The following PCDH7 variants were observed in gnomAD, a reference collection of about 807,000 sequenced individuals.
PCDH7 encodes the protein protocadherin 7.
A neutral mutation model predicts 58.9 loss-of-function variants in PCDH7; 17 were observed. The ratio of observed to expected loss-of-function variants is 0.29; its 90% CI spans 0.20 to 0.43. The LOEUF (loss-of-function observed/expected upper bound fraction) is 0.43, where lower values mean the gene tolerates loss of function less well. PCDH7 is among the 20% of genes least tolerant of loss of function. PCDH7 has a pLI of 1.00. For missense variants in PCDH7, 1,274 were observed against 1,441.0 expected, an observed-to-expected ratio of 0.88 and a Z score of 1.88; for synonymous variants, 664 against 616.4, an observed-to-expected ratio of 1.08 and a Z score of -1.14.
At chr4:30,734,720 T>C (rs1233053784), downstream of PCDH7, among the ~76,000 whole-genome samples, 1 of 152,174 alleles carries the variant, frequency 6.6e-6, no homozygotes, top group Non-Finnish European at 1.5e-5. Flanking sequence ...CAGTGCCCAG[T>C]AGAGTGCTGG....
intron 1 of PCDH7, among the ~76,000 whole-genome samples, chr4:30,746,125 G>A (rs1292664569): frequency 2.0e-5 from 3 of 152,088 alleles, no homozygotes; most frequent in African/African-American, 7.2e-5. Context: ...CACTGTGCCT[G>A]GCTAAAGAGA....
intron 1 of PCDH7, among the ~76,000 whole-genome samples, chr4:30,848,424 T>C (rs1732275502): frequency 6.6e-6 from 1 of 152,096 alleles, no homozygotes; most frequent in African/African-American, 2.4e-5. Flanking sequence ...GCATACTAAA[T>C]GGTGATTTTG....
intron 1 of PCDH7, among the ~76,000 whole-genome samples, chr4:30,796,163 G>A (rs1033381687): frequency 6.6e-6 from 1 of 152,164 alleles, no homozygotes; most frequent in African/African-American, 2.4e-5. Flanking sequence ...TTGTTTAACT[G>A]TGAAGTTTAG....
chr4:30,876,374 T>TCA (rs754117170), intron 1 of PCDH7, among the ~76,000 whole-genome samples: 8 of 152,254 alleles, frequency 5.3e-5, no homozygotes, highest in Non-Finnish European at 7.4e-5. Flanking sequence ...GATATTACAT[T>TCA]TTTATACTTA....
At chr4:31,096,709 G>T (rs527711674) in intron 3 of PCDH7, among the ~76,000 whole-genome samples, 1 of 152,042 alleles carries the variant, frequency 6.6e-6, no homozygotes, top group Non-Finnish European at 1.5e-5. Flanking sequence ...AAAATACAAC[G>T]TAACTGGGAA....
chr4:31,068,805 T>C (rs1758306406), intron 3 of PCDH7, among the ~76,000 whole-genome samples: 1 of 152,028 alleles, frequency 6.6e-6, no homozygotes, highest in South Asian at 2.1e-4. Context: ...TTCTGAATTT[T>C]TGTTCCAGGG....
chr4:30,928,411 A>C (rs939905728), intron 2 of PCDH7, among the ~76,000 whole-genome samples: 1 of 152,188 alleles, frequency 6.6e-6, no homozygotes, highest in African/African-American at 2.4e-5. Context: ...TTCATGGGGC[A>C]ATTATATAGT....
intron 3 of PCDH7, among the ~76,000 whole-genome samples, chr4:31,038,828 T>TAC (rs1338779201): frequency 6.6e-6 from 1 of 152,178 alleles, no homozygotes; most frequent in African/African-American, 2.4e-5. Context: ...TGCTCTTACC[T>TAC]ACACTTTCTT....
In PCDH7 at chr4:30,981,783, A is replaced by G. The variant is rs548668400; in HGVS notation, c.*7+31568A>G. On this transcript the variant is annotated intron_variant, in intron 3 of 3. Coordinates refer to the PCDH7 transcript ENST00000509759. Reference sequence around the variant, plus strand: ...CTGATATGAAAATGCTTTGTGTTGTATATCACTGATTTTTTCTTTTTAAAA... The same window carrying G: ...CTGATATGAAAATGCTTTGTGTTGTGTATCACTGATTTTTTCTTTTTAAAA... Among the ~76,000 whole-genome samples the G allele has an allele frequency of 3.3e-5, 5 of 152,268 alleles. No individual in the cohort carries two copies. In the East Asian group the frequency reaches 5.8e-4, roughly 18 times the overall value.
At chr4:30,924,618 T>C (rs1743607677) in intron 2 of PCDH7, among the ~76,000 whole-genome samples, 1 of 152,118 alleles carries the variant, frequency 6.6e-6, no homozygotes, top group Non-Finnish European at 1.5e-5. Flanking sequence ...GGTGGAAATG[T>C]TGGCACCATA....
chr4:30,814,011 G>A (rs1360803455), intron 1 of PCDH7, among the ~76,000 whole-genome samples: 2 of 152,058 alleles, frequency 1.3e-5, no homozygotes, highest in Non-Finnish European at 2.9e-5. Context: ...TGTGACCGAA[G>A]CTATGAAATT....
intron 3 of PCDH7, among the ~76,000 whole-genome samples, chr4:30,997,519 G>A (rs1019555402): frequency 7.9e-5 from 12 of 152,060 alleles, no homozygotes; most frequent in Non-Finnish European, 1.5e-5. Context: ...TTAAAACTGA[G>A]GATGAGGACA....
chr4:30,731,543 A>C (rs2109238227), exon 2 of PCDH7: 1 of 152,280 alleles, frequency 6.6e-6, no homozygotes, highest in South Asian at 2.1e-4. Context: ...TAATTCTTTA[A>C]GAAAATTTAG....
chr4:30,785,378 A>G (rs1056573413), intron 1 of PCDH7, among the ~76,000 whole-genome samples: 25 of 152,046 alleles, frequency 1.6e-4, no homozygotes, highest in African/African-American at 5.8e-4. Context: ...CTTACAATTT[A>G]AATCATAAAG....
intron 3 of PCDH7, among the ~76,000 whole-genome samples, chr4:31,108,230 C>A (rs1193482416): frequency 3.3e-5 from 5 of 151,574 alleles, no homozygotes; most frequent in African/African-American, 1.2e-4. Context: ...GTGAGTTTTT[C>A]TTTTCAAAAA....
intron 3 of PCDH7, among the ~76,000 whole-genome samples, chr4:31,112,502 G>A (rs1716454800): frequency 1.3e-5 from 2 of 152,092 alleles, no homozygotes; most frequent in Non-Finnish European, 2.9e-5. Context: ...CATCTTTCAT[G>A]AGGCAAAACA....
chr4:31,042,184 A>G lies in PCDH7; in HGVS notation c.*7+91969A>G, dbSNP rs911204690. The stretch of plus-strand genomic sequence containing the variant: ...ATGTTTCAAGGCTTGATTTTTATTC[A>G]TATGTTTGATTGATTGTCATTTTCT... On this transcript the variant is annotated intron_variant, in intron 3 of 3. Transcript: ENST00000509759. Among the ~76,000 whole-genome samples, 5 of 152,226 alleles carry G rather than the reference A, an allele frequency of 3.3e-5. No individual in the cohort carries two copies. In the East Asian group the frequency reaches 7.7e-4, roughly 24 times the overall value.
At chr4:30,955,352 T>G (rs1747744240) in intron 3 of PCDH7, among the ~76,000 whole-genome samples, 1 of 152,054 alleles carries the variant, frequency 6.6e-6, no homozygotes, top group Admixed American at 6.5e-5. Context: ...CACATAAGCA[T>G]AAAATGTATT....
At chr4:30,949,109 A>G (rs36048465) in intron 2 of PCDH7, among the ~76,000 whole-genome samples, 28,687 of 152,034 alleles carry the variant, frequency 0.19, 3,401 homozygotes, top group South Asian at 0.26. Flanking sequence ...TAAGAAACAT[A>G]TTTGTGTATG....
Sources: gnomAD v4.1 joint callset for allele counts (sites outside exome capture counted in the v4.1 genomes callset) on GRCh38, gnomAD v4.1.1 for gene constraint, MANE v1.5 for transcripts, NCBI Gene and HGNC (gene_info 2026-07-23, HGNC 2026-07-21) for gene names.